STX11: variants seen among roughly 807,000 people sequenced by gnomAD.
The protein encoded by STX11 is syntaxin-11.
Under a neutral mutation model 19.9 loss-of-function variants are expected in STX11, and 21 were observed. The observed-to-expected ratio is 1.06, with a 90% CI of 0.75 to 1.52. STX11 has a LOEUF of 1.52. Ranked by LOEUF, STX11 falls within the 40% of genes most tolerant of loss-of-function variation. The pLI is 0.00. For missense variants in STX11, 438 were observed against 405.9 expected (o/e 1.08, Z -0.68); for synonymous variants, 193 against 174.4 (o/e 1.11, Z -0.84).
intron 1 of STX11, among the ~76,000 whole-genome samples, chr6:144,156,138 C>T (rs1260365556): frequency 6.8e-6 from 1 of 147,214 alleles, no homozygotes; most frequent in Non-Finnish European, 1.5e-5. Flanking sequence ...GATCTCCGCT[C>T]ACCACAACCT....
chr6:144,164,646 AT>A (rs1447984637), intron 1 of STX11, among the ~76,000 whole-genome samples: 1 of 152,124 alleles, frequency 6.6e-6, no homozygotes, highest in Non-Finnish European at 1.5e-5. Context: ...GATGTTTAAG[AT>A]TTTTTTCAAT....
At chr6:144,148,250 T>G (rs1800913401), upstream of STX11, among the ~76,000 whole-genome samples, 1 of 152,170 alleles carries the variant, frequency 6.6e-6, no homozygotes, top group South Asian at 2.1e-4. Context: ...TGGACTCTGT[T>G]TTGCCCACGC....
In STX11 at chr6:144,190,752, T is replaced by G. The variant is rs978783540; in HGVS notation, c.*3261T>G. 2.0e-5 allele frequency among the ~76,000 whole-genome samples: 3 copies of G among 152,170 alleles called. No individual in the cohort carries two copies. Among genetic ancestry groups the G allele is most frequent in the African/African-American group, 7.2e-5 (3 of 41,444 alleles). On this transcript the variant is annotated 3_prime_UTR_variant, in exon 2 of 2. Coordinates refer to ENST00000367568, the MANE Select transcript of STX11 (RefSeq NM_003764.4). ...TGTTCTTTCCTAATTCTTCCCAAGC[T>G]GTGAGTCAGAAAGTCCTGGAAGGAG...
chr6:144,156,315 C>T (rs1329379620), intron 1 of STX11, among the ~76,000 whole-genome samples: 1 of 152,082 alleles, frequency 6.6e-6, no homozygotes, highest in Non-Finnish European at 1.5e-5. Flanking sequence ...CAGCCCACCT[C>T]GGCCTCCCTG....
rs1020007569 is a variant in STX11, at chr6:144,188,177, T to A, written c.*686T>A. The A allele has an allele frequency of 4.2e-6, 1 of 238,010 alleles. No individual in the cohort carries two copies. The highest frequency in any genetic ancestry group is 5.7e-5 in the Admixed American group (1 of 17,478). 14.7% of individuals were successfully genotyped at this position (238,010 alleles called of 1,614,324 possible). The stretch of plus-strand genomic sequence containing the variant: ...TAAGCACTGAATATCGAACAAGCAC[T>A]CAAATTGAAGTATCAGTCATGTTTT... On this transcript the variant is annotated 3_prime_UTR_variant, in exon 2 of 2. Coordinates refer to ENST00000367568, the MANE Select transcript of STX11 (RefSeq NM_003764.4).
At position 144,169,141 on chromosome 6, in the gene STX11, A is replaced by G. The variant is rs1801560880; in HGVS notation, c.-5-17482A>G. Among the ~76,000 whole-genome samples the G allele has an allele frequency of 5.3e-5, 8 of 152,240 alleles. No homozygotes were observed. The highest frequency in any genetic ancestry group is 5.2e-4 in the Admixed American group (8 of 15,284). On this transcript the variant is annotated intron_variant, in intron 1 of 1. Coordinates refer to ENST00000367568, the MANE Select transcript of STX11 (RefSeq NM_003764.4). This position sits in a 1 kb window ranked among gnomAD's most constrained non-coding sequence, Gnocchi z 5.2. ...GCAAAGACACAAGCTTTTGCCTGTC[A>G]TAGCCAGATTACACTTATGCATGCC...
chr6:144,173,645 CTGGAG>C (rs1801702582), intron 1 of STX11, among the ~76,000 whole-genome samples: 4 of 152,204 alleles, frequency 2.6e-5, no homozygotes, highest in Non-Finnish European at 4.4e-5. Context: ...TCAACATTGT[CTGGAG>C]ATCTTTGCAG....
In STX11 at chr6:144,189,457, A is replaced by C. The variant is rs1473416891; in HGVS notation, c.*1966A>C. 6.6e-6 allele frequency among the ~76,000 whole-genome samples: 1 copy of C among 152,220 alleles called. No individual in the cohort carries two copies. The highest frequency in any genetic ancestry group is 1.5e-5 in the Non-Finnish European group (1 of 68,032). ...TCCTGAGTTACAATACTTTAGCAAA[A>C]TCATGAGGCTTTAGAGATATGGTGT... On this transcript the variant is annotated 3_prime_UTR_variant, in exon 2 of 2. Transcript: ENST00000367568.
Position 144,165,030 on chromosome 6 carries a change from G to A in STX11, c.-6+14327G>A, listed in dbSNP as rs1033148141. Among the ~76,000 whole-genome samples the A allele has an allele frequency of 6.6e-6, 1 of 152,066 alleles. No individual in the cohort carries two copies. Among genetic ancestry groups the A allele is most frequent in the Non-Finnish European group, 1.5e-5 (1 of 68,002 alleles). ...TTAAAAAGAGCACAGTTGCTACATGGAACAGTTTCAATTGGGGTAAATGTG... is the reference window on the plus strand; with the variant it reads ...TTAAAAAGAGCACAGTTGCTACATGAAACAGTTTCAATTGGGGTAAATGTG... On this transcript the variant is annotated intron_variant, in intron 1 of 1. Coordinates refer to ENST00000367568, the MANE Select transcript of STX11 (RefSeq NM_003764.4). This position sits in a 1 kb window ranked among gnomAD's most constrained non-coding sequence, Gnocchi z 5.8.
rs1407799482 is a variant in STX11 at position 144,190,424 on chromosome 6, A to G, written c.*2933A>G. On this transcript the variant is annotated 3_prime_UTR_variant, in exon 2 of 2. Coordinates refer to ENST00000367568, the MANE Select transcript of STX11 (RefSeq NM_003764.4). ...TGCTTTGTTCATTATTGTTGTTATT[A>G]TGTAATTTTCTCTCAGACTGAGAGC... is the stretch of plus-strand genomic sequence containing the variant. 6.6e-6 allele frequency among the ~76,000 whole-genome samples: 1 copy of G among 152,230 alleles called. No individual in the cohort carries two copies. The highest frequency in any genetic ancestry group is 1.5e-5 in the Non-Finnish European group (1 of 68,042).
chr6:144,160,391 T>TCAAAAG lies in STX11; in HGVS notation c.-6+9688_-6+9689insCAAAAG, dbSNP rs1322292578. Among the ~76,000 whole-genome samples the TCAAAAG allele has an allele frequency of 6.6e-6, 1 of 152,198 alleles. No homozygotes were observed. The highest frequency in any genetic ancestry group is 1.5e-5 in the Non-Finnish European group (1 of 68,046). ...GGTTTGAGACTTCCTGATTTTTAACTTTTGAAGCTTTGCAGCTCTTCTGCT... is the reference window on the plus strand; with the variant it reads ...GGTTTGAGACTTCCTGATTTTTAACTCAAAAGTTTGAAGCTTTGCAGCTCTTCTGCT... On this transcript the variant is annotated intron_variant, in intron 1 of 1. Coordinates refer to ENST00000367568, the MANE Select transcript of STX11 (RefSeq NM_003764.4). The surrounding 1 kb of genome is among the most constrained non-coding windows in gnomAD (Gnocchi z 4.3).
chr6:144,144,375 A>G, the STX11 span, among the ~76,000 whole-genome samples: 1 of 152,226 alleles, frequency 6.6e-6, no homozygotes, highest in Non-Finnish European at 1.5e-5. Flanking sequence ...TGAGGTACAA[A>G]AAAGCCACAG....
At chr6:144,141,444 CAT>C in the STX11 span, among the ~76,000 whole-genome samples, 16 of 152,330 alleles carry the variant, frequency 1.1e-4, no homozygotes, top group Admixed American at 3.3e-4. Context: ...TTTTTCGCCA[CAT>C]GTTTTCTACC....
intron 1 of STX11, among the ~76,000 whole-genome samples, chr6:144,166,869 C>T (rs1184093013): frequency 6.6e-6 from 1 of 151,008 alleles, no homozygotes; most frequent in African/African-American, 2.4e-5. Flanking sequence ...CCTCCCCTCC[C>T]CTCTCCTTCC....
chr6:144,174,958 C>A lies in STX11; in HGVS notation c.-5-11665C>A, dbSNP rs28641635. Among the ~76,000 whole-genome samples, 115 of 151,312 alleles carry A rather than the reference C, an allele frequency of 7.6e-4. 1 individual carries two copies. The highest frequency in any genetic ancestry group is 2.6e-3 in the African/African-American group (107 of 41,196). ...AGACCAGCCTGGGCAACAGGCAAAACCCCATCTCTACAAAAGATATAAAAA... is the reference window on the plus strand; with the variant it reads ...AGACCAGCCTGGGCAACAGGCAAAAACCCATCTCTACAAAAGATATAAAAA... On this transcript the variant is annotated intron_variant, in intron 1 of 1. Transcript: ENST00000367568. This position sits in a 1 kb window ranked among gnomAD's most constrained non-coding sequence, Gnocchi z 5.3.
At chr6:144,157,151 T>C (rs1349232735) in intron 1 of STX11, among the ~76,000 whole-genome samples, 1 of 152,152 alleles carries the variant, frequency 6.6e-6, no homozygotes, top group Non-Finnish European at 1.5e-5. Flanking sequence ...TGGGAAGTGC[T>C]CTGGGCACAA....
intron 1 of STX11, among the ~76,000 whole-genome samples, chr6:144,171,007 C>T (rs906183480): frequency 6.6e-6 from 1 of 152,150 alleles, no homozygotes; most frequent in Admixed American, 6.5e-5. Context: ...TACAACAATA[C>T]AGAACATAGC....
intron 1 of STX11, 111 bp downstream of exon 1, chr6:144,150,814 C>T (rs771680953): frequency 5.7e-4 from 486 of 847,666 alleles, no homozygotes; most frequent in Non-Finnish European, 5.8e-4. Flanking sequence ...GCTCGGGACC[C>T]GCGGCTGTGC....
Position 144,160,348 on chromosome 6 carries a change from A to G in STX11, c.-6+9645A>G, listed in dbSNP as rs1801303563. The stretch of plus-strand genomic sequence containing the variant: ...TGTACCTCCTTATTTCTCCCCATAA[A>G]TTGTAAGCTTAGGGTAAGGTTTGAG... On this transcript the variant is annotated intron_variant, in intron 1 of 1. Transcript: ENST00000367568. The surrounding 1 kb of genome is among the most constrained non-coding windows in gnomAD (Gnocchi z 4.3). Among the ~76,000 whole-genome samples the G allele has an allele frequency of 6.6e-6, 1 of 152,124 alleles. No individual in the cohort carries two copies. Among genetic ancestry groups the G allele is most frequent in the Non-Finnish European group, 1.5e-5 (1 of 68,024 alleles).
Sources: gnomAD v4.1 joint callset for allele counts (sites outside exome capture counted in the v4.1 genomes callset) on GRCh38, gnomAD v4.1.1 for gene constraint, Gnocchi (gnomAD v3.1) non-coding constraint, MANE v1.5 for transcripts, NCBI Gene and HGNC (gene_info 2026-07-23, HGNC 2026-07-21) for gene names.